The following HS3ST3A1 variants were observed in gnomAD, a reference collection of about 807,000 sequenced individuals.
HS3ST3A1 encodes heparan sulfate glucosamine 3-O-sulfotransferase 3A1.
In HS3ST3A1, 19 loss-of-function variants were observed where a neutral mutation model predicts 25.7. The observed-to-expected ratio is 0.74, with a 90% CI of 0.52 to 1.08. The LOEUF (loss-of-function observed/expected upper bound fraction) is 1.08, where lower values mean the gene tolerates loss of function less well. Ranked by LOEUF, HS3ST3A1 falls within the 50% of genes least tolerant of loss-of-function variation. HS3ST3A1 has a pLI of 0.00. For synonymous variants in HS3ST3A1, 226 were observed against 278.6 expected, an observed-to-expected ratio of 0.81 and a Z score of 1.88; for missense variants, 459 against 594.3, an observed-to-expected ratio of 0.77 and a Z score of 2.37.
chr17:13,548,254 G>T (rs1907141607), intron 1 of HS3ST3A1, among the ~76,000 whole-genome samples: 1 of 152,164 alleles, frequency 6.6e-6, no homozygotes, highest in African/African-American at 2.4e-5. Flanking sequence ...TCAGCATCTA[G>T]TGAGGGCTCT....
chr17:13,536,418 C>G (rs901393937), intron 1 of HS3ST3A1, among the ~76,000 whole-genome samples: 3 of 152,128 alleles, frequency 2.0e-5, no homozygotes, highest in Non-Finnish European at 2.9e-5. Flanking sequence ...TTCTTTTGCT[C>G]TATAAGACAA....
intron 1 of HS3ST3A1, among the ~76,000 whole-genome samples, chr17:13,539,321 T>C (rs1190275685): frequency 6.6e-6 from 1 of 152,172 alleles, no homozygotes; most frequent in Non-Finnish European, 1.5e-5. Flanking sequence ...ATTCCGTATC[T>C]GGATGGGGTA....
chr17:13,596,888 T>C (rs1165805269), intron 1 of HS3ST3A1, among the ~76,000 whole-genome samples: 1 of 152,106 alleles, frequency 6.6e-6, no homozygotes, highest in Non-Finnish European at 1.5e-5. Context: ...CGAAAGGGCC[T>C]CTGCTCAGTA....
chr17:13,553,838 T>C lies in HS3ST3A1; in HGVS notation c.599+46693A>G, dbSNP rs369262640. Among the ~76,000 whole-genome samples, 33 of 152,296 alleles carry C rather than the reference T, an allele frequency of 2.2e-4. No individual in the cohort carries two copies. The South Asian group carries it at 4.6e-3, about 21-fold the overall frequency. On this transcript the variant is annotated intron_variant, in intron 1 of 1. Transcript: ENST00000284110. ...CCCCTCTCAGGTACTTCCTTTGAAA[T>C]CTGTAAGTAGGCCCCTGACCTAACT... is the stretch of plus-strand genomic sequence containing the variant.
chr17:13,534,878 T>G (rs1906722947), intron 1 of HS3ST3A1, among the ~76,000 whole-genome samples: 1 of 151,672 alleles, frequency 6.6e-6, no homozygotes, highest in Admixed American at 6.6e-5. Flanking sequence ...ATACAAAAAT[T>G]AGCCAGGTGT....
intron 1 of HS3ST3A1, among the ~76,000 whole-genome samples, chr17:13,501,137 G>A (rs1007411959): frequency 6.6e-6 from 1 of 152,184 alleles, no homozygotes; most frequent in Non-Finnish European, 1.5e-5. Context: ...TTGTTCAGTA[G>A]GTATGAAGTT....
intron 1 of HS3ST3A1, among the ~76,000 whole-genome samples, chr17:13,583,110 G>A (rs551445793): frequency 2.2e-4 from 33 of 152,210 alleles, no homozygotes; most frequent in Non-Finnish European, 3.7e-4. Flanking sequence ...GAGACGTAGA[G>A]AAGATACAAA....
intron 1 of HS3ST3A1, among the ~76,000 whole-genome samples, chr17:13,547,089 C>T (rs1598422458): frequency 6.6e-6 from 1 of 152,142 alleles, no homozygotes; most frequent in Admixed American, 6.5e-5. Flanking sequence ...AATTCTATGA[C>T]CACATGTCTT....
chr17:13,542,917 G>T (rs1906976852), intron 1 of HS3ST3A1, among the ~76,000 whole-genome samples: 1 of 152,098 alleles, frequency 6.6e-6, no homozygotes, highest in South Asian at 2.1e-4. Context: ...AATCAATCAT[G>T]CCTATGTGAT....
Position 13,495,343 on chromosome 17 carries a change from T to C in HS3ST3A1, c.*854A>G, listed in dbSNP as rs756884334. 8.5e-5 allele frequency among the ~76,000 whole-genome samples: 13 copies of C among 152,170 alleles called. No individual in the cohort carries two copies. Among genetic ancestry groups the C allele is most frequent in the Non-Finnish European group, 1.6e-4 (11 of 68,024 alleles). On this transcript the variant is annotated 3_prime_UTR_variant, in exon 2 of 2. Transcript: ENST00000284110. Reference sequence around the variant, plus strand: ...AATAGCCAAGAGGCAAGACTGGCTCTTAAGAGAGGTTGTGTCCAGGTCTCA... The same window carrying C: ...AATAGCCAAGAGGCAAGACTGGCTCCTAAGAGAGGTTGTGTCCAGGTCTCA...
chr17:13,575,137 G>A (rs1032079608), intron 1 of HS3ST3A1, among the ~76,000 whole-genome samples: 2 of 152,072 alleles, frequency 1.3e-5, no homozygotes, highest in South Asian at 2.1e-4. Flanking sequence ...ACTCTTGCTT[G>A]CTCTCTCAGT....
chr17:13,510,118 A>G (rs1025208210), intron 1 of HS3ST3A1, among the ~76,000 whole-genome samples: 6 of 152,242 alleles, frequency 3.9e-5, no homozygotes, highest in African/African-American at 1.4e-4. Context: ...ATTCTTATTC[A>G]AAGTGGGGAG....
intron 1 of HS3ST3A1, among the ~76,000 whole-genome samples, chr17:13,588,915 G>A (rs534146488): frequency 4.6e-5 from 7 of 152,086 alleles, no homozygotes; most frequent in Admixed American, 2.0e-4. Flanking sequence ...TGACCGTCTC[G>A]GCCTCCCAAA....
At chr17:13,585,186 C>CTTTTTTT (rs71144977) in intron 1 of HS3ST3A1, among the ~76,000 whole-genome samples, 373 of 33,260 alleles carry the variant, frequency 0.011, 74 homozygotes, top group Non-Finnish European at 0.013. Flanking sequence ...TTTTTCTGTG[C>CTTTTTTT]TTTTTTTTTT....
chr17:13,548,636 G>A (rs1227601303), intron 1 of HS3ST3A1, among the ~76,000 whole-genome samples: 2 of 152,146 alleles, frequency 1.3e-5, no homozygotes, highest in African/African-American at 4.8e-5. Context: ...GGGCTTCTGG[G>A]TCGGGCGGGG....
At chr17:13,543,033 C>T (rs1314516863) in intron 1 of HS3ST3A1, among the ~76,000 whole-genome samples, 1 of 152,108 alleles carries the variant, frequency 6.6e-6, no homozygotes, top group Non-Finnish European at 1.5e-5. Flanking sequence ...AGCTCCAAAC[C>T]CCTTCCTACA....
intron 1 of HS3ST3A1, among the ~76,000 whole-genome samples, chr17:13,546,522 T>C (rs919265573): frequency 6.6e-6 from 1 of 152,208 alleles, no homozygotes; most frequent in African/African-American, 2.4e-5. Flanking sequence ...CGCCTCGGCC[T>C]CCCAAAGTGT....
At chr17:13,521,665 G>A (rs1328680736) in intron 1 of HS3ST3A1, among the ~76,000 whole-genome samples, 2 of 152,162 alleles carry the variant, frequency 1.3e-5, no homozygotes. Context: ...ACTATAATAG[G>A]AAAGATGGGC....
chr17:13,545,310 G>T (rs562362068), intron 1 of HS3ST3A1, among the ~76,000 whole-genome samples: 2 of 152,324 alleles, frequency 1.3e-5, no homozygotes, highest in African/African-American at 4.8e-5. Context: ...AGAGGGACCT[G>T]CACAATGAAT....
Sources: allele counts gnomAD v4.1 joint callset (sites outside exome capture counted in the v4.1 genomes callset), GRCh38; gene constraint gnomAD v4.1.1; transcripts MANE v1.5; gene names NCBI Gene and HGNC (gene_info 2026-07-23, HGNC 2026-07-21).